CASP5: variants seen among roughly 807,000 people sequenced by gnomAD.
The protein encoded by CASP5 is caspase-5.
In CASP5, 42 loss-of-function variants were observed where a neutral mutation model predicts 45.2. That is an observed-to-expected ratio of 0.93 (90% CI 0.73 to 1.20). CASP5 has a LOEUF of 1.20. Among genes scored for constraint, CASP5 ranks in the 50% most tolerant of loss-of-function variants. The pLI is 0.00. For synonymous variants in CASP5, 209 were observed against 186.2 expected (o/e 1.12, Z -1.00); for missense variants, 512 against 532.2 (o/e 0.96, Z 0.37).
At chr11:105,002,658 C>G (rs1861797298) in intron 4 of CASP5, among the ~76,000 whole-genome samples, 1 of 152,154 alleles carries the variant, frequency 6.6e-6, no homozygotes, top group Non-Finnish European at 1.5e-5. Context: ...GGCTTTTCAA[C>G]TGGGTATAAA....
chr11:105,021,037 T>G (rs1434206738), intron 1 of CASP5, among the ~76,000 whole-genome samples: 1 of 152,012 alleles, frequency 6.6e-6, no homozygotes, highest in African/African-American at 2.4e-5. Flanking sequence ...TTGACAAACC[T>G]GAGACAAACA....
At chr11:105,000,806 AAG>A (rs1330313913) in intron 5 of CASP5, among the ~76,000 whole-genome samples, 1 of 152,086 alleles carries the variant, frequency 6.6e-6, no homozygotes. Flanking sequence ...CTTTCCTAAC[AAG>A]AGTCATGTGT....
chr11:105,019,154 C>A (rs1368249386), intron 1 of CASP5, among the ~76,000 whole-genome samples: 2 of 148,092 alleles, frequency 1.4e-5, no homozygotes, highest in Non-Finnish European at 3.0e-5. Flanking sequence ...GCATTCAAAG[C>A]AGTGTGTAGA....
intron 8 of CASP5, among the ~76,000 whole-genome samples, chr11:104,996,238 T>G (rs988413714): frequency 5.3e-5 from 8 of 152,168 alleles, no homozygotes; most frequent in Admixed American, 6.5e-5. Flanking sequence ...AGAATCTTGC[T>G]TTAAGGCCTG....
At chr11:105,012,233 C>G (rs188213338) in intron 1 of CASP5, among the ~76,000 whole-genome samples, 2 of 151,798 alleles carry the variant, frequency 1.3e-5, no homozygotes. Context: ...TATCCAAGAG[C>G]AGAAGAATGA....
rs1434424846 is a variant in CASP5, at chr11:105,007,259, T to G, written c.257A>C (p.Tyr86Ser). ...TGTCAGAACATCGTGTTTTGCCAAA[T>G]AATTAAAAACACCATGAAGAACATC... ...GKDVLHGVFN[Y>S]LAKHDVLTLK... Residue 86 changes from tyrosine to serine, a missense_variant, in exon 3 of 10, where the codon TAT becomes TCT. Physicochemically the swap from Tyr to Ser is moderately radical, Grantham distance 144. Coordinates refer to ENST00000260315, the MANE Select transcript of CASP5 (RefSeq NM_004347.5). 16 of 1,612,738 alleles carry G rather than the reference T, an allele frequency of 9.9e-6. 1 individual carries two copies. The South Asian group carries it at 1.8e-4, about 18-fold the overall frequency.
intron 1 of CASP5, among the ~76,000 whole-genome samples, chr11:105,019,588 C>T (rs1364988107): frequency 6.6e-6 from 1 of 150,584 alleles, no homozygotes; most frequent in Non-Finnish European, 1.5e-5. Flanking sequence ...CACATACACT[C>T]TCCCAAGACT....
chr11:105,022,907 T>G (rs1863045831), intron 1 of CASP5, among the ~76,000 whole-genome samples: 1 of 152,128 alleles, frequency 6.6e-6, no homozygotes, highest in Admixed American at 6.6e-5. Flanking sequence ...AAGAAAGGAA[T>G]TAACCTTTTT....
chr11:105,007,030 T>A (rs1176567643), intron 3 of CASP5, 53 bp downstream of exon 3: 1 of 1,481,676 alleles, frequency 6.7e-7, no homozygotes, highest in East Asian at 2.3e-5. Flanking sequence ...GGCCTTGGAG[T>A]TGAATATATT....
rs1199021659 is a variant in CASP5 at position 104,995,849 on chromosome 11, GA to G, written c.1207-8del. The G allele has an allele frequency of 1.3e-6, 2 of 1,584,278 alleles. No individual in the cohort carries two copies. The highest frequency in any genetic ancestry group is 2.2e-5 in the East Asian group (1 of 44,652). ...CTTCAAATGATTTCTGTACCTAAAA[GA>G]AAAAACAGTAGATGAGATATGAGGG... is the stretch of plus-strand genomic sequence containing the variant. On this transcript the variant is annotated splice_polypyrimidine_tract_variant and splice_region_variant and intron_variant, in intron 8 of 9. Coordinates refer to ENST00000260315, the MANE Select transcript of CASP5 (RefSeq NM_004347.5).
intron 5 of CASP5, among the ~76,000 whole-genome samples, chr11:105,000,752 A>T (rs1861685485): frequency 6.7e-6 from 1 of 150,334 alleles, no homozygotes; most frequent in African/African-American, 2.5e-5. Flanking sequence ...GTATATTTTT[A>T]TATGTTACTT....
At chr11:105,004,052 G>A (rs1861884125) in intron 3 of CASP5, among the ~76,000 whole-genome samples, 1 of 152,006 alleles carries the variant, frequency 6.6e-6, no homozygotes, top group East Asian at 1.9e-4. Flanking sequence ...ATTGAATCCT[G>A]TACCATCCTG....
At chr11:105,009,088 T>C (rs1862147572) in intron 1 of CASP5, 108 bp from the exon 2 acceptor site, 2 of 877,968 alleles carry the variant, frequency 2.3e-6, no homozygotes. Flanking sequence ...ATACATTCTG[T>C]CTTACCATGT....
chr11:105,019,222 A>C (rs1463507862), intron 1 of CASP5, among the ~76,000 whole-genome samples: 1 of 151,180 alleles, frequency 6.6e-6, no homozygotes, highest in Non-Finnish European at 1.5e-5. Context: ...CAAAATTGAC[A>C]CCCTAACATC....
In CASP5 at chr11:105,008,892, G is replaced by T. The variant is rs1259329186; in HGVS notation, c.96C>A (p.Asn32Lys). Residue 32 changes from asparagine to lysine, a missense_variant, in exon 2 of 10, where the codon AAC becomes AAA. Physicochemically the swap from Asn to Lys is moderately conservative, Grantham distance 94. Coordinates refer to ENST00000260315, the MANE Select transcript of CASP5 (RefSeq NM_004347.5). ...LQSGLDNFVI[N>K]HMLKNNVAGQ... ...CAGCCACGTTGTTCTTTAGCATGTG[G>T]TTTATCACGAAGTTATCCAATCCAC... The T allele has an allele frequency of 2.5e-6, 4 of 1,612,964 alleles. No homozygotes were observed. The highest frequency in any genetic ancestry group is 3.4e-6 in the Non-Finnish European group (4 of 1,179,332).
Position 105,000,313 on chromosome 11 carries a change from G to T in CASP5, c.900C>A (p.Cys300Ter). The T allele has an allele frequency of 3.1e-6, 5 of 1,614,212 alleles. No homozygotes were observed. Among genetic ancestry groups the T allele is most frequent in the Non-Finnish European group, 4.2e-6 (5 of 1,180,036 alleles). Reference protein sequence around the residue: ...TIFQIFNNRNCLSLKDKPKVI... With the variant: ...TIFQIFNNRN ...CCTTGGGTTTGTCCTTTAGACTGAG[G>T]CAGTTGCGGTTGTTGAATATCTGGA... Residue 300 changes from cysteine to a stop codon, truncating the protein, a stop_gained, in exon 6 of 10, where the codon TGC (cysteine) becomes TGA (stop). Coordinates refer to ENST00000260315, the MANE Select transcript of CASP5 (RefSeq NM_004347.5). LOFTEE classifies it high-confidence loss of function.
At chr11:105,021,752 C>T (rs1346632010) in intron 1 of CASP5, among the ~76,000 whole-genome samples, 12 of 148,720 alleles carry the variant, frequency 8.1e-5, no homozygotes, top group Middle Eastern at 3.4e-3. Flanking sequence ...GTCAGTGTGG[C>T]GATTCCACAG....
chr11:105,010,111 A>C (rs1349275094), intron 1 of CASP5, among the ~76,000 whole-genome samples: 5 of 150,688 alleles, frequency 3.3e-5, no homozygotes, highest in Non-Finnish European at 7.4e-5. Flanking sequence ...ACATTTTCTA[A>C]AGAAAACATG....
At chr11:105,007,886 T>C (rs1862088315) in intron 2 of CASP5, among the ~76,000 whole-genome samples, 1 of 152,144 alleles carries the variant, frequency 6.6e-6, no homozygotes. Flanking sequence ...GCTTGCTAAA[T>C]ACATGACTTA....
Sources: gnomAD v4.1 joint callset for allele counts (sites outside exome capture counted in the v4.1 genomes callset) on GRCh38, gnomAD v4.1.1 for gene constraint, MANE v1.5 for transcripts, NCBI Gene and HGNC (gene_info 2026-07-23, HGNC 2026-07-21) for gene names.